MCF2L2: variants seen among roughly 807,000 people sequenced by gnomAD.
The protein encoded by MCF2L2 is probable guanine nucleotide exchange factor MCF2L2.
Under a neutral mutation model 150.2 loss-of-function variants are expected in MCF2L2, and 102 were observed. The ratio of observed to expected loss-of-function variants is 0.68; its 90% CI spans 0.58 to 0.80. The LOEUF is 0.80. Ranked by LOEUF, MCF2L2 falls within the 30% of genes least tolerant of loss-of-function variation. The pLI, the probability that MCF2L2 is intolerant of heterozygous loss-of-function variation, is 0.00. For missense variants in MCF2L2, 1,256 were observed against 1,372.8 expected (o/e 0.91, Z 1.34); for synonymous variants, 465 against 491.3 (o/e 0.95, Z 0.71).
intron 1 of MCF2L2, among the ~76,000 whole-genome samples, chr3:183,417,115 CAAAAAAAAAAAAA>C (rs74989072): frequency 0.033 from 1,443 of 44,298 alleles, 33 homozygotes; most frequent in African/African-American, 0.097. Context: ...GACTCTGTCT[CAAAAAAAAAAAAA>C]AAAAAAAAAA....
At chr3:183,344,243 G>A (rs1730816417) in intron 3 of MCF2L2, among the ~76,000 whole-genome samples, 2 of 152,068 alleles carry the variant, frequency 1.3e-5, no homozygotes, top group Admixed American at 1.3e-4. Flanking sequence ...GGTAGATTGT[G>A]CTAATTCAAA....
intron 25 of MCF2L2, among the ~76,000 whole-genome samples, chr3:183,204,725 T>G (rs947900264): frequency 1.3e-5 from 2 of 152,144 alleles, no homozygotes; most frequent in African/African-American, 4.8e-5. Flanking sequence ...CAGCTTTACT[T>G]ACAGTATCCA....
At chr3:183,319,895 G>A (rs1215377453) in intron 6 of MCF2L2, among the ~76,000 whole-genome samples, 1 of 152,092 alleles carries the variant, frequency 6.6e-6, no homozygotes, top group African/African-American at 2.4e-5. Context: ...GATTTTTGGA[G>A]TGGTAAATGA....
intron 15 of MCF2L2, chr3:183,269,885 G>A (rs772295485): frequency 6.2e-7 from 1 of 1,613,910 alleles, no homozygotes; most frequent in Non-Finnish European, 8.5e-7. Flanking sequence ...CGAGCCTCAT[G>A]TTTTTTTGGG....
At chr3:183,374,840 T>C (rs949710766) in intron 3 of MCF2L2, 2 of 152,230 alleles carry the variant, frequency 1.3e-5, no homozygotes, top group Non-Finnish European at 2.9e-5. Flanking sequence ...CTTCTGTATC[T>C]ATCTGTAGCA....
At chr3:183,426,071 A>G (rs1716150233) in intron 1 of MCF2L2, among the ~76,000 whole-genome samples, 9 of 152,184 alleles carry the variant, frequency 5.9e-5, no homozygotes, top group Admixed American at 5.9e-4. Flanking sequence ...GTATGAGGAG[A>G]CAGAATCTTG....
At chr3:183,214,275 C>T (rs967158495) in intron 22 of MCF2L2, among the ~76,000 whole-genome samples, 2 of 152,090 alleles carry the variant, frequency 1.3e-5, no homozygotes, top group African/African-American at 2.4e-5. Flanking sequence ...TTTCCTCAGG[C>T]GAAGAAAGAA....
intron 6 of MCF2L2, among the ~76,000 whole-genome samples, chr3:183,322,451 C>T (rs1403308397): frequency 6.6e-6 from 1 of 152,076 alleles, no homozygotes; most frequent in Non-Finnish European, 1.5e-5. Flanking sequence ...AGTTAACTTT[C>T]CCCACTAAGT....
chr3:183,201,479 A>G (rs1368383710), intron 25 of MCF2L2, among the ~76,000 whole-genome samples: 3 of 152,214 alleles, frequency 2.0e-5, no homozygotes, highest in Non-Finnish European at 4.4e-5. Context: ...TTGATTTTGT[A>G]TACTGAGACT....
chr3:183,345,252 A>C lies in MCF2L2; in HGVS notation c.276-3622T>G, dbSNP rs1730854492. The stretch of plus-strand genomic sequence containing the variant: ...CCACAGTGCAATCAAATTAGAACTC[A>C]GGATTAAGAAACTCACTCAAAACTG... On this transcript the variant is annotated intron_variant, in intron 3 of 29. Coordinates refer to ENST00000328913, the MANE Select transcript of MCF2L2 (RefSeq NM_015078.4). Among the ~76,000 whole-genome samples, 3 of 152,262 alleles carry C rather than the reference A, an allele frequency of 2.0e-5. No homozygotes were observed. In the South Asian group the frequency reaches 6.2e-4, roughly 31 times the overall value.
intron 1 of MCF2L2, among the ~76,000 whole-genome samples, chr3:183,422,897 C>A (rs1207929279): frequency 1.3e-5 from 2 of 152,164 alleles, no homozygotes; most frequent in Non-Finnish European, 2.9e-5. Context: ...TTCACACTGG[C>A]ATTTCTGGAA....
In MCF2L2 at chr3:183,267,692, G is replaced by A. The variant is rs147294471; in HGVS notation, c.1862+9180C>T. On this transcript the variant is annotated intron_variant, in intron 15 of 29. Transcript: ENST00000328913. The surrounding 1 kb of genome is among the most constrained non-coding windows in gnomAD (Gnocchi z 5.5). Reference sequence around the variant, plus strand: ...AAGAGAGCCTACCTTTCCATCCAAGGAAGTGTTTTACCTGTGGTAAGCACG... The same window carrying A: ...AAGAGAGCCTACCTTTCCATCCAAGAAAGTGTTTTACCTGTGGTAAGCACG... Among the ~76,000 whole-genome samples, 45 of 152,320 alleles carry A rather than the reference G, an allele frequency of 3.0e-4. No homozygotes were observed. The highest frequency in any genetic ancestry group is 1.1e-3 in the African/African-American group (44 of 41,578).
intron 25 of MCF2L2, among the ~76,000 whole-genome samples, chr3:183,201,604 A>C (rs1008258620): frequency 3.9e-5 from 6 of 152,196 alleles, no homozygotes; most frequent in African/African-American, 1.4e-4. Context: ...TTCCTAATTC[A>C]ATACCCTTTA....
chr3:183,255,902 AAATGGGTCACTT>A (rs1387208478), intron 15 of MCF2L2, among the ~76,000 whole-genome samples: 22 of 152,322 alleles, frequency 1.4e-4, no homozygotes, highest in Middle Eastern at 3.4e-3. Context: ...TCATCTTTTA[AAATGGGTCACTT>A]TGGCTAGAAT....
At chr3:183,333,338 C>A (rs532403868) in intron 5 of MCF2L2, among the ~76,000 whole-genome samples, 1 of 152,186 alleles carries the variant, frequency 6.6e-6, no homozygotes, top group Non-Finnish European at 1.5e-5. Flanking sequence ...TGAGCCACTG[C>A]GTCCAGCCCT....
intron 27 of MCF2L2, among the ~76,000 whole-genome samples, chr3:183,190,035 G>C (rs1421279247): frequency 6.6e-6 from 1 of 152,170 alleles, no homozygotes; most frequent in Non-Finnish European, 1.5e-5. Context: ...TGGCAGGGAG[G>C]CCCCCTGATT....
At chr3:183,311,098 T>G (rs1729355686) in intron 8 of MCF2L2, 69 bp from the exon 9 acceptor site, 1 of 877,770 alleles carries the variant, frequency 1.1e-6, no homozygotes, top group African/African-American at 1.7e-5. Flanking sequence ...TATAGGCCTA[T>G]GGCTAGAACA....
chr3:183,238,230 ATTTTTTTTGCGATTTTTTT>A (rs1723829295), intron 15 of MCF2L2, among the ~76,000 whole-genome samples: 1 of 137,808 alleles, frequency 7.3e-6, no homozygotes, highest in South Asian at 2.3e-4. Context: ...ACGTTATGAG[ATTTTTTTTGCGATTTTTTT>A]TTTTTTTTTT....
intron 3 of MCF2L2, among the ~76,000 whole-genome samples, chr3:183,345,001 A>G (rs895343566): frequency 3.3e-5 from 5 of 152,182 alleles, no homozygotes; most frequent in African/African-American, 1.2e-4. Context: ...CCCACAGTCA[A>G]TATTAGATGG....
Sources: allele counts gnomAD v4.1 joint callset (sites outside exome capture counted in the v4.1 genomes callset), GRCh38; gene constraint gnomAD v4.1.1; non-coding constraint Gnocchi (gnomAD v3.1); transcripts MANE v1.5; gene names NCBI Gene and HGNC (gene_info 2026-07-23, HGNC 2026-07-21).